Variants in SEC31A observed in about 807,000 individuals in gnomAD.
SEC31A encodes the protein protein transport protein Sec31A.
Under a neutral mutation model 151.0 loss-of-function variants are expected in SEC31A, and 70 were observed. The observed-to-expected ratio is 0.46, with a 90% CI of 0.38 to 0.57. SEC31A has a LOEUF of 0.57. Among genes scored for constraint, SEC31A ranks in the 20% least tolerant of loss-of-function variants. The pLI is 0.00. For missense variants in SEC31A, 1,330 were observed against 1,471.2 expected (o/e 0.90, Z 1.57); for synonymous variants, 475 against 505.9 (o/e 0.94, Z 0.82).
chr4:82,844,499 G>A lies in SEC31A; in HGVS notation c.2513C>T (p.Pro838Leu). 6.2e-7 allele frequency: 1 copy of A among 1,613,632 alleles called. No individual in the cohort carries two copies. The highest frequency in any genetic ancestry group is 8.5e-7 in the Non-Finnish European group (1 of 1,179,700). The change falls in exon 21 of 27, where the codon CCT becomes CTT. Residue 838 changes from proline (P) to leucine (L), a missense_variant. Coordinates refer to ENST00000395310, the MANE Select transcript of SEC31A (RefSeq NM_001077207.4). The stretch of plus-strand genomic sequence containing the variant: ...ATGCATTATGAAACCCGGAGGTGGA[G>A]GATTTTCTCCCTAAGAAACAAGAAC... ...TQQYYPHGEN[P>L]PPPGFIMHGN... is the part of the protein sequence containing the mutation.
intron 10 of SEC31A, among the ~76,000 whole-genome samples, 164 bp from the exon 11 acceptor site, chr4:82,864,762 CT>C (rs1041352105): frequency 6.6e-6 from 1 of 151,532 alleles, no homozygotes; most frequent in African/African-American, 2.4e-5. Flanking sequence ...ATGAAATGTA[CT>C]TTTTTGGTTT....
Position 82,842,143 on chromosome 4 carries a change from T to C in SEC31A, c.2965A>G (p.Thr989Ala). Residue 989 changes from threonine (T) to alanine (A), a missense_variant, in exon 22 of 27, where the codon ACA becomes GCA. Physicochemically the swap from Thr to Ala is moderately conservative, Grantham distance 58. Transcript: ENST00000395310. Reference protein sequence around the residue: ...AASELPASQRTGPQNGWNDPP... With the variant: ...AASELPASQRAGPQNGWNDPP... ...CAAATCCCTTTCAAGCGCAGACCTGTTCTTTGGGACGCAGGCAGCTCACTG... is the reference window on the plus strand; with the variant it reads ...CAAATCCCTTTCAAGCGCAGACCTGCTCTTTGGGACGCAGGCAGCTCACTG... 1 of 1,554,466 alleles carries C rather than the reference T, an allele frequency of 6.4e-7. No individual in the cohort carries two copies. Among genetic ancestry groups the C allele is most frequent in the East Asian group, 2.3e-5 (1 of 44,392 alleles).
intron 1 of SEC31A, among the ~76,000 whole-genome samples, chr4:82,883,988 C>CTTT (rs11373334): frequency 1.4e-4 from 18 of 125,956 alleles, no homozygotes; most frequent in Admixed American, 1.8e-4. Context: ...CTTTTCTATT[C>CTTT]TTTTTTTTTT....
In SEC31A at chr4:82,867,129, T is replaced by C. The variant is rs201557462; in HGVS notation, c.1044+26A>G. ...CACATACTTTTTTCAGGCATTATAATAGAAAACTTTAACACTTCCTATTAC... is the reference window on the plus strand; with the variant it reads ...CACATACTTTTTTCAGGCATTATAACAGAAAACTTTAACACTTCCTATTAC... On this transcript the variant is annotated intron_variant, in intron 9 of 26. Transcript: ENST00000395310. The C allele has an allele frequency of 1.3e-3, 2,038 of 1,597,764 alleles. 1 individual carries two copies. The highest frequency in any genetic ancestry group is 1.6e-3 in the Non-Finnish European group (1,840 of 1,167,096).
chr4:82,837,158 C>CATATAT (rs138120291), intron 22 of SEC31A, among the ~76,000 whole-genome samples: 2,084 of 42,436 alleles, frequency 0.049, 217 homozygotes, highest in African/African-American at 0.095. Flanking sequence ...TAAATTTTAT[C>CATATAT]ATATATATAT....
upstream of SEC31A, chr4:82,895,603 C>A (rs1429817477): frequency 6.6e-6 from 1 of 152,178 alleles, no homozygotes; most frequent in Non-Finnish European, 1.5e-5. Context: ...AGTACAGTAT[C>A]CACATTAGGC....
rs371882514 is a variant in SEC31A at position 82,870,316 on chromosome 4, T to A, written c.882+9A>T. ...GGCTACAAGGTTGAGACACATTTCC[T>A]GCCCATACCTCTCCTGTGTTTGGAT... On this transcript the variant is annotated intron_variant, in intron 8 of 26. Coordinates refer to ENST00000395310, the MANE Select transcript of SEC31A (RefSeq NM_001077207.4). 20 of 1,604,216 alleles carry A rather than the reference T, an allele frequency of 1.2e-5. 1 individual carries two copies. Among genetic ancestry groups the A allele is most frequent in the Non-Finnish European group, 1.7e-5 (20 of 1,171,752 alleles).
chr4:82,828,673 CAAAAAAAA>C (rs397994259), intron 23 of SEC31A, among the ~76,000 whole-genome samples: 23 of 44,110 alleles, frequency 5.2e-4, no homozygotes, highest in African/African-American at 1.9e-3. Context: ...CAAAGTAACT[CAAAAAAAA>C]AAAAAAAAAA....
intron 14 of SEC31A, among the ~76,000 whole-genome samples, chr4:82,858,663 T>A (rs918197560): frequency 6.6e-5 from 10 of 150,730 alleles, no homozygotes; most frequent in African/African-American, 2.4e-4. Flanking sequence ...TAACTATGAG[T>A]GGCTCAAAAT....
chr4:82,851,494 A>C lies in SEC31A; in HGVS notation c.2265T>G (p.Asn755Lys). ...CAATACTGCCCTGAGCTGCCAACAAATTGGCATACTGACTCATCTTCGCAG... is the reference window on the plus strand; with the variant it reads ...CAATACTGCCCTGAGCTGCCAACAACTTGGCATACTGACTCATCTTCGCAG... ...LLAAKMSQYA[N>K]LLAAQGSIAA... The change falls in exon 19 of 27, where the codon AAT becomes AAG. Residue 755 changes from asparagine (N) to lysine (K), a missense_variant. Physicochemically the swap from Asn to Lys is moderately conservative, Grantham distance 94. Coordinates refer to ENST00000395310, the MANE Select transcript of SEC31A (RefSeq NM_001077207.4). 1 of 1,614,146 alleles carries C rather than the reference A, an allele frequency of 6.2e-7. No homozygotes were observed. The highest frequency in any genetic ancestry group is 8.5e-7 in the Non-Finnish European group (1 of 1,179,946).
intron 22 of SEC31A, among the ~76,000 whole-genome samples, chr4:82,830,526 C>G (rs550812025): frequency 3.5e-4 from 53 of 152,204 alleles, no homozygotes; most frequent in African/African-American, 1.2e-3. Context: ...TACTAGGAGA[C>G]AGAAAATCAG....
At chr4:82,887,333 G>A (rs1231762533) in intron 1 of SEC31A, among the ~76,000 whole-genome samples, 2 of 151,928 alleles carry the variant, frequency 1.3e-5, no homozygotes, top group Non-Finnish European at 2.9e-5. Flanking sequence ...TGAATTCAAA[G>A]CATTTACTAA....
At chr4:82,887,207 A>G (rs1487965913) in intron 1 of SEC31A, among the ~76,000 whole-genome samples, 1 of 152,172 alleles carries the variant, frequency 6.6e-6, no homozygotes, top group East Asian at 1.9e-4. Context: ...GAATACAATT[A>G]TAGTATTTCT....
At chr4:82,883,988 C>CTATTCT (rs1553937247) in intron 1 of SEC31A, among the ~76,000 whole-genome samples, 1 of 125,968 alleles carries the variant, frequency 7.9e-6, no homozygotes, top group Non-Finnish European at 1.6e-5. Context: ...CTTTTCTATT[C>CTATTCT]TTTTTTTTTT....
intron 25 of SEC31A, among the ~76,000 whole-genome samples, chr4:82,822,070 T>C (rs956641633): frequency 1.3e-5 from 2 of 152,198 alleles, no homozygotes; most frequent in Non-Finnish European, 2.9e-5. Flanking sequence ...AAAGAAACTA[T>C]TCTAAAACTA....
At chr4:82,835,021 T>A (rs1211609381) in intron 22 of SEC31A, among the ~76,000 whole-genome samples, 7 of 152,120 alleles carry the variant, frequency 4.6e-5, no homozygotes, top group African/African-American at 1.7e-4. Flanking sequence ...AAGTTTTGTA[T>A]ATTTAGTAGA....
At chr4:82,841,440 T>TA (rs1553926931) in intron 22 of SEC31A, among the ~76,000 whole-genome samples, 10 of 18,368 alleles carry the variant, frequency 5.4e-4, no homozygotes, top group African/African-American at 8.1e-4. Flanking sequence ...AAAAAAAAAA[T>TA]TTTATATATA....
intron 23 of SEC31A, 39 bp from the exon 24 acceptor site, chr4:82,827,671 A>C: frequency 6.3e-7 from 1 of 1,591,794 alleles, no homozygotes; most frequent in Admixed American, 1.7e-5. Flanking sequence ...AGGAGTAAGA[A>C]TAAAAACGAT....
intron 4 of SEC31A, chr4:82,877,503 C>T (rs1278377583): frequency 1.3e-5 from 2 of 151,766 alleles, no homozygotes; most frequent in African/African-American, 2.4e-5. Flanking sequence ...CTCAGCCTCC[C>T]GTGTAGCTGA....
Sources: allele counts gnomAD v4.1 joint callset (sites outside exome capture counted in the v4.1 genomes callset), GRCh38; gene constraint gnomAD v4.1.1; transcripts MANE v1.5; gene names NCBI Gene and HGNC (gene_info 2026-07-23, HGNC 2026-07-21).